Variants in LPCAT2 observed in about 807,000 individuals in gnomAD.
LPCAT2 encodes 1-AGP acyltransferase 11.
A neutral mutation model predicts 64.7 loss-of-function variants in LPCAT2; 58 were observed. That is an observed-to-expected ratio of 0.90 (90% confidence interval 0.73 to 1.12). LPCAT2 has a LOEUF of 1.12. LPCAT2 is among the 50% of genes most tolerant of loss of function. LPCAT2 has a pLI of 0.00. For synonymous variants in LPCAT2, 252 were observed against 245.3 expected, an observed-to-expected ratio of 1.03 and a Z score of -0.26; for missense variants, 579 against 669.8, an observed-to-expected ratio of 0.86 and a Z score of 1.50.
chr16:55,569,306 A>C (rs1963743904), intron 11 of LPCAT2, among the ~76,000 whole-genome samples: 1 of 152,146 alleles, frequency 6.6e-6, no homozygotes, highest in Admixed American at 6.5e-5. Context: ...TTGTAATTTA[A>C]CCTTGGTCTG....
chr16:55,532,948 C>T, intron 6 of LPCAT2, 66 bp downstream of exon 6: 1 of 1,288,304 alleles, frequency 7.8e-7, no homozygotes, highest in Non-Finnish European at 1.1e-6. Context: ...CTCTGGGACC[C>T]CTTTTAATAT....
chr16:55,547,979 G>A (rs1963472970), intron 9 of LPCAT2, among the ~76,000 whole-genome samples: 1 of 152,270 alleles, frequency 6.6e-6, no homozygotes, highest in East Asian at 1.9e-4. Flanking sequence ...TGTTGGCCAG[G>A]CTGGTCTCGA....
intron 11 of LPCAT2, chr16:55,566,673 A>C (rs540746132): frequency 7.0e-7 from 1 of 1,432,786 alleles, no homozygotes; most frequent in African/African-American, 1.4e-5. Context: ...CAGTTCTTCC[A>C]CATGTAAACT....
Position 55,531,908 on chromosome 16 carries a change from C to A in LPCAT2, c.643-6C>A. On this transcript the variant is annotated splice_polypyrimidine_tract_variant and splice_region_variant and intron_variant, in intron 4 of 13. Transcript: ENST00000262134. ...GAAATATTAAATCTATTCCTTTTTT[C>A]CCAAGATACTAGTTTTCCCAGAAGG... 6.5e-7 allele frequency: 1 copy of A among 1,549,636 alleles called. No individual in the cohort carries two copies. Among genetic ancestry groups the A allele is most frequent in the Non-Finnish European group, 8.9e-7 (1 of 1,124,138 alleles).
intron 11 of LPCAT2, among the ~76,000 whole-genome samples, chr16:55,561,913 G>A (rs544466744): frequency 2.0e-5 from 3 of 152,134 alleles, no homozygotes; most frequent in Admixed American, 6.5e-5. Flanking sequence ...CAGTGTGGCA[G>A]AAGACAGGAC....
At chr16:55,529,679 A>C (rs1003484331) in intron 3 of LPCAT2, among the ~76,000 whole-genome samples, 156 bp from the exon 4 acceptor site, 19 of 152,232 alleles carry the variant, frequency 1.2e-4, no homozygotes, top group African/African-American at 4.3e-4. Flanking sequence ...CACTTCTTTC[A>C]AAATTAGAAG....
At chr16:55,535,646 T>G (rs1963314029) in intron 7 of LPCAT2, among the ~76,000 whole-genome samples, 1 of 152,174 alleles carries the variant, frequency 6.6e-6, no homozygotes, top group South Asian at 2.1e-4. Context: ...TCCTGATTGC[T>G]TTTAGACATG....
At position 55,567,785 on chromosome 16, in the gene LPCAT2, T is replaced by A. The variant is rs866794355; in HGVS notation, c.1216-6846T>A. ...GTTGTGGGGTAGAGTTCTAATGGAG[T>A]AGATTTTAAAAGGTGTTGCTTATTT... On this transcript the variant is annotated intron_variant, in intron 11 of 13. Transcript: ENST00000262134. 5 of 289,026 alleles carry A rather than the reference T, an allele frequency of 1.7e-5. No homozygotes were observed. In the Middle Eastern group the frequency reaches 3.1e-3, roughly 180 times the overall value. The allele number at this position is 289,026 out of a possible 1,614,324, so 17.9% of individuals were successfully genotyped here.
Position 55,550,998 on chromosome 16 carries a change from G to A in LPCAT2, c.1111G>A (p.Ala371Thr). The change falls in exon 11 of 14, where the codon GCG becomes ACG. Residue 371 changes from alanine (A) to threonine (T), a missense_variant. By Grantham distance (58) the Ala-to-Thr change is moderately conservative. Transcript: ENST00000262134. Reference sequence around the variant, plus strand: ...GCATTTGGATGAATATGCATCTATTGCGAGTTCCTCAAAAGGAGGAAGAAT... The same window carrying A: ...GCATTTGGATGAATATGCATCTATTACGAGTTCCTCAAAAGGAGGAAGAAT... Reference protein sequence around the residue: ...RKHLDEYASIASSSKGGRIGI... With the variant: ...RKHLDEYASITSSSKGGRIGI... 1 of 1,610,440 alleles carries A rather than the reference G, an allele frequency of 6.2e-7. No individual in the cohort carries two copies. The highest frequency in any genetic ancestry group is 8.5e-7 in the Non-Finnish European group (1 of 1,177,464).
rs192294815 is a variant in LPCAT2 at position 55,535,818 on chromosome 16, T to C, written c.797+1341T>C. On this transcript the variant is annotated intron_variant, in intron 7 of 13. Transcript: ENST00000262134. Reference sequence around the variant, plus strand: ...GTGATGTGGCCAATAGGACTTTTTTTGGTTGCCCAGCAGTCCAGGTTAATG... The same window carrying C: ...GTGATGTGGCCAATAGGACTTTTTTCGGTTGCCCAGCAGTCCAGGTTAATG... Among the ~76,000 whole-genome samples the C allele has an allele frequency of 1.7e-4, 26 of 152,268 alleles. No individual in the cohort carries two copies. In the East Asian group the frequency reaches 4.4e-3, roughly 26 times the overall value.
chr16:55,574,485 C>T, intron 11 of LPCAT2, 146 bp from the exon 12 acceptor site: 1 of 631,644 alleles, frequency 1.6e-6, no homozygotes, highest in East Asian at 2.7e-5. Flanking sequence ...GGGCTACTTG[C>T]TTGCTGTTCC....
At chr16:55,580,901 G>T (rs1019653450) in intron 13 of LPCAT2, among the ~76,000 whole-genome samples, 2 of 152,166 alleles carry the variant, frequency 1.3e-5, no homozygotes, top group Non-Finnish European at 2.9e-5. Context: ...AGAATCCAAT[G>T]CTTGATGATC....
Position 55,583,787 on chromosome 16 carries a change from A to T in LPCAT2, c.*689A>T, listed in dbSNP as rs1285961059. On this transcript the variant is annotated 3_prime_UTR_variant, in exon 14 of 14. Coordinates refer to ENST00000262134, the MANE Select transcript of LPCAT2 (RefSeq NM_017839.5). ...AACCTCTGCCTCCTGGGTTCAAGTG[A>T]TTCTCGTACCTCAGACTCCCGAGTA... The T allele has an allele frequency of 6.6e-6, 1 of 152,200 alleles. No homozygotes were observed. Among genetic ancestry groups the T allele is most frequent in the African/African-American group, 2.4e-5 (1 of 41,404 alleles). 9.4% of individuals were successfully genotyped at this position (152,200 alleles called of 1,614,324 possible).
chr16:55,566,209 T>G (rs1159662369), intron 11 of LPCAT2, among the ~76,000 whole-genome samples: 1 of 152,224 alleles, frequency 6.6e-6, no homozygotes, highest in Non-Finnish European at 1.5e-5. Context: ...TTCAGGACCT[T>G]GCATTTTAAA....
chr16:55,571,294 A>G (rs1392530278), intron 11 of LPCAT2, among the ~76,000 whole-genome samples: 2 of 152,174 alleles, frequency 1.3e-5, no homozygotes, highest in African/African-American at 4.8e-5. Context: ...TTGAACAAGT[A>G]GCCTAGAGCT....
At chr16:55,580,962 T>C (rs1214960236) in intron 13 of LPCAT2, among the ~76,000 whole-genome samples, 2 of 152,146 alleles carry the variant, frequency 1.3e-5, no homozygotes, top group African/African-American at 2.4e-5. Context: ...CCCTTTACCA[T>C]CCATGGAAAA....
rs1430157839 is a variant in LPCAT2, at chr16:55,585,219, T to A, written c.*2121T>A. On this transcript the variant is annotated 3_prime_UTR_variant, in exon 14 of 14. Coordinates refer to ENST00000262134, the MANE Select transcript of LPCAT2 (RefSeq NM_017839.5). Reference sequence around the variant, plus strand: ...TGATTCTGCCATTTTGTCTCAAATGTAATATACCCTTTTAATATCATATGT... The same window carrying A: ...TGATTCTGCCATTTTGTCTCAAATGAAATATACCCTTTTAATATCATATGT... 6.6e-6 allele frequency: 1 copy of A among 152,238 alleles called. No individual in the cohort carries two copies. 9.4% of individuals were successfully genotyped at this position (152,238 alleles called of 1,614,324 possible). A position where few individuals can be genotyped will look rare whatever the true frequency, so the allele number is the denominator to read the frequency against.
intron 1 of LPCAT2, among the ~76,000 whole-genome samples, chr16:55,514,135 CT>C (rs1962973240): frequency 6.6e-6 from 1 of 152,034 alleles, no homozygotes; most frequent in Admixed American, 6.6e-5. Context: ...AGCCAAAAAC[CT>C]TAAAAGAAAA....
intron 11 of LPCAT2, chr16:55,566,972 C>G (rs761987158): frequency 6.2e-7 from 1 of 1,613,796 alleles, no homozygotes; most frequent in African/African-American, 1.3e-5. Flanking sequence ...GTGTGGAGGC[C>G]TCAGAAAGTG....
Sources: allele counts gnomAD v4.1 joint callset (sites outside exome capture counted in the v4.1 genomes callset), GRCh38; gene constraint gnomAD v4.1.1; transcripts MANE v1.5; gene names NCBI Gene and HGNC (gene_info 2026-07-23, HGNC 2026-07-21).